The following MSH4 variants were observed in gnomAD, a reference collection of about 807,000 sequenced individuals.
MSH4 encodes the protein mutS homolog 4, also known as mutS protein homolog 4.
MSH4 carries 106 observed loss-of-function variants against 113.7 expected under a neutral mutation model. That is an observed-to-expected ratio of 0.93 (90% CI 0.80 to 1.10). The LOEUF (loss-of-function observed/expected upper bound fraction) is 1.10. Ranked by LOEUF, MSH4 falls within the 50% of genes least tolerant of loss-of-function variation. The pLI, the probability that MSH4 is intolerant of heterozygous loss-of-function variation, is 0.00. For synonymous variants in MSH4, 368 were observed against 380.2 expected (o/e 0.97, Z 0.37); for missense variants, 1,061 against 1,093.7 (o/e 0.97, Z 0.42).
intron 1 of MSH4, among the ~76,000 whole-genome samples, chr1:75,802,070 G>A (rs766802873): frequency 3.3e-5 from 5 of 152,160 alleles, no homozygotes; most frequent in Non-Finnish European, 5.9e-5. Context: ...TCGGGAGGGT[G>A]AGGTAGGAGG....
chr1:75,843,838 T>TTTCA (rs1651020771), intron 7 of MSH4, among the ~76,000 whole-genome samples: 1 of 151,168 alleles, frequency 6.6e-6, no homozygotes, highest in Non-Finnish European at 1.5e-5. Context: ...TGAGATGGAG[T>TTTCA]TTCACCCTTG....
chr1:75,796,892 C>T lies in MSH4; in HGVS notation c.-94C>T, dbSNP rs1649820743. 5.8e-6 allele frequency: 9 copies of T among 1,562,622 alleles called. No homozygotes were observed. The highest frequency in any genetic ancestry group is 7.8e-6 in the Non-Finnish European group (9 of 1,149,622). On this transcript the variant is annotated 5_prime_UTR_variant, in exon 1 of 20. Transcript: ENST00000263187. ...GCTTAGTGCGTCGGCGCGCAGTTCTCCCGCCCGTTTCAGCGGCGCAGCTTC... is the reference window on the plus strand; with the variant it reads ...GCTTAGTGCGTCGGCGCGCAGTTCTTCCGCCCGTTTCAGCGGCGCAGCTTC...
intron 17 of MSH4, among the ~76,000 whole-genome samples, chr1:75,892,377 A>ACTCTCT (rs113018030): frequency 3.4e-5 from 5 of 148,442 alleles, no homozygotes; most frequent in Non-Finnish European, 4.5e-5. Flanking sequence ...ACACATACAC[A>ACTCTCT]CTCTCTCTCT....
intron 10 of MSH4, 71 bp from the exon 11 acceptor site, chr1:75,878,078 A>G (rs1449148854): frequency 8.4e-7 from 1 of 1,184,116 alleles, no homozygotes; most frequent in Non-Finnish European, 1.2e-6. Flanking sequence ...ATCAATTGTG[A>G]TTCAAATTAT....
chr1:75,822,306 A>AG (rs11404402), intron 6 of MSH4, 103 bp from the exon 7 acceptor site: 1 of 726,954 alleles, frequency 1.4e-6, no homozygotes, highest in Non-Finnish European at 2.1e-6. Context: ...AAAAAAAAAA[A>AG]GAATCATTGC....
chr1:75,883,895 G>T (rs897356698), intron 15 of MSH4, 74 bp downstream of exon 15: 3 of 1,257,466 alleles, frequency 2.4e-6, no homozygotes, highest in Admixed American at 2.1e-5. Context: ...TTTTTTTAGG[G>T]CCATGTGCCT....
rs777218306 is a variant in MSH4 at position 75,876,919 on chromosome 1, A to G, written c.1306-17A>G. The G allele has an allele frequency of 1.4e-6, 2 of 1,425,400 alleles. No individual in the cohort carries two copies. The highest frequency in any genetic ancestry group is 1.5e-5 in the African/African-American group (1 of 68,500). The allele number at this position is 1,425,400 out of a possible 1,614,324, so 88.3% of individuals were successfully genotyped here. A position where few individuals can be genotyped will look rare whatever the true frequency, so the allele number is the denominator to read the frequency against. The stretch of plus-strand genomic sequence containing the variant: ...GTAATTGATTATCCTTAACTTTTTT[A>G]TTTTATTCTTTAATAGATTGCTATG... On this transcript the variant is annotated splice_polypyrimidine_tract_variant and intron_variant, in intron 9 of 19. Transcript: ENST00000263187.
chr1:75,872,237 A>C (rs1651729635), intron 9 of MSH4, among the ~76,000 whole-genome samples: 1 of 152,238 alleles, frequency 6.6e-6, no homozygotes. Flanking sequence ...CAGATGTGCC[A>C]ATGGCAAGTT....
At chr1:75,864,029 A>C (rs1348606729) in intron 8 of MSH4, among the ~76,000 whole-genome samples, 2 of 152,162 alleles carry the variant, frequency 1.3e-5, no homozygotes, top group East Asian at 1.9e-4. Flanking sequence ...TGTCTCCAAA[A>C]AGAAACGACT....
intron 3 of MSH4, among the ~76,000 whole-genome samples, chr1:75,808,040 GA>G (rs1389942660): frequency 6.6e-6 from 1 of 152,168 alleles, no homozygotes; most frequent in Non-Finnish European, 1.5e-5. Context: ...TTAAAATGTT[GA>G]AATTTTTTTG....
In MSH4 at chr1:75,912,952, G is replaced by A. The variant is rs1652821904; in HGVS notation, c.*65G>A. ...CCTAGAATTTATTTTTCTCCTTAGA[G>A]ATAAGGAAAATAACATTTGCCAAAT... On this transcript the variant is annotated 3_prime_UTR_variant, in exon 20 of 20. Coordinates refer to ENST00000263187, the MANE Select transcript of MSH4 (RefSeq NM_002440.4). 1.9e-6 allele frequency: 2 copies of A among 1,058,788 alleles called. No individual in the cohort carries two copies. The highest frequency in any genetic ancestry group is 2.5e-6 in the Non-Finnish European group (2 of 789,180). The allele number at this position is 1,058,788 out of a possible 1,614,324, so 65.6% of individuals were successfully genotyped here. A position where few individuals can be genotyped will look rare whatever the true frequency, so the allele number is the denominator to read the frequency against.
chr1:75,830,453 C>G (rs1158346731), intron 7 of MSH4, among the ~76,000 whole-genome samples: 5 of 152,150 alleles, frequency 3.3e-5, no homozygotes, highest in Admixed American at 6.5e-5. Flanking sequence ...CGCAAAGATA[C>G]TCCTCAAGAA....
chr1:75,798,257 G>A (rs1649862267), intron 1 of MSH4, among the ~76,000 whole-genome samples: 1 of 152,028 alleles, frequency 6.6e-6, no homozygotes, highest in African/African-American at 2.4e-5. Context: ...CTGCTGCCTG[G>A]CCTATGTTTA....
At chr1:75,831,874 A>T (rs1243834781) in intron 7 of MSH4, among the ~76,000 whole-genome samples, 1 of 152,232 alleles carries the variant, frequency 6.6e-6, no homozygotes, top group Non-Finnish European at 1.5e-5. Flanking sequence ...CAATTAAAAG[A>T]ACTAGAGAAG....
chr1:75,880,214 C>G, intron 13 of MSH4, 61 bp downstream of exon 13: 1 of 862,096 alleles, frequency 1.2e-6, no homozygotes, highest in African/African-American at 1.7e-5. Flanking sequence ...GAAACTGTTA[C>G]AATTGTATTA....
In MSH4 at chr1:75,878,147, A is replaced by T. The variant is rs1235527600; in HGVS notation, c.1371-2A>T. 2 of 1,562,938 alleles carry T rather than the reference A, an allele frequency of 1.3e-6. No individual in the cohort carries two copies. Among genetic ancestry groups the T allele is most frequent in the Non-Finnish European group, 1.7e-6 (2 of 1,156,764 alleles). On this transcript the variant is annotated splice_acceptor_variant, in intron 10 of 19. Transcript: ENST00000263187. LOFTEE classifies it high-confidence loss of function. ...ATGTTTTTCTTTTGGCCTTAATATT[A>T]GGTTTGGAATCATACTTGAAAAGAT...
intron 19 of MSH4, among the ~76,000 whole-genome samples, chr1:75,906,526 T>TAATATATATACATATATTATATATG (rs796202795): frequency 3.0e-5 from 1 of 33,494 alleles, no homozygotes. Context: ...TATGTATATA[T>TAATATATATACATATATTATATATG]TATATATAAT....
At chr1:75,903,162 A>G (rs904112860) in intron 19 of MSH4, among the ~76,000 whole-genome samples, 1 of 151,936 alleles carries the variant, frequency 6.6e-6, no homozygotes, top group Admixed American at 6.6e-5. Flanking sequence ...TTCTTCAAGT[A>G]GTTTCATAGT....
intron 1 of MSH4, among the ~76,000 whole-genome samples, chr1:75,803,346 C>T (rs564476305): frequency 7.9e-5 from 12 of 152,112 alleles, no homozygotes; most frequent in South Asian, 6.2e-4. Context: ...TGGTTGGGTG[C>T]GGTGACTCAG....
Sources: gnomAD v4.1 joint callset for allele counts (sites outside exome capture counted in the v4.1 genomes callset) on GRCh38, gnomAD v4.1.1 for gene constraint, MANE v1.5 for transcripts, NCBI Gene and HGNC (gene_info 2026-07-23, HGNC 2026-07-21) for gene names.